Variants in REDIC1 observed in about 807,000 individuals in gnomAD.
The protein encoded by REDIC1 is HEI10 Interacting Protein 1.
chr12:39,650,799 C>T, the REDIC1 span, among the ~76,000 whole-genome samples: 1 of 152,162 alleles, frequency 6.6e-6, no homozygotes, highest in Non-Finnish European at 1.5e-5. This position sits in a 1 kb window ranked among gnomAD's most constrained non-coding sequence, Gnocchi z 4.3. Flanking sequence ...TGGTCTCAAT[C>T]TTCTGGCCTC....
At chr12:39,744,490 A>G in the REDIC1 span, among the ~76,000 whole-genome samples, 1 of 152,226 alleles carries the variant, frequency 6.6e-6, no homozygotes, top group Non-Finnish European at 1.5e-5. Flanking sequence ...GTATCCAATT[A>G]TTATAGCTTA....
the REDIC1 span, chr12:39,872,014 G>A: frequency 2.4e-5 from 34 of 1,391,746 alleles, no homozygotes; most frequent in Middle Eastern, 1.9e-4. Flanking sequence ...AAAGAAACAG[G>A]GTTATTTTGA....
chr12:39,899,642 A>C, the REDIC1 span, among the ~76,000 whole-genome samples: 5 of 149,854 alleles, frequency 3.3e-5, no homozygotes, highest in African/African-American at 4.9e-5. Context: ...CCCTCTACAC[A>C]CTGCTTTGAA....
chr12:39,711,449 A>ATT, the REDIC1 span, among the ~76,000 whole-genome samples: 3 of 47,606 alleles, frequency 6.3e-5, no homozygotes, highest in African/African-American at 1.5e-4. Context: ...GTGTGTACAT[A>ATT]TATACACATA....
At chr12:39,653,675 T>A in the REDIC1 span, among the ~76,000 whole-genome samples, 3 of 151,862 alleles carry the variant, frequency 2.0e-5, no homozygotes, top group Non-Finnish European at 2.9e-5. Context: ...CTTTCTTGCT[T>A]AACTTTGCTA....
chr12:39,884,137 T>C, the REDIC1 span, among the ~76,000 whole-genome samples: 1 of 152,140 alleles, frequency 6.6e-6, no homozygotes, highest in African/African-American at 2.4e-5. Flanking sequence ...GTATTTTTAG[T>C]GTATGTATGT....
the REDIC1 span, among the ~76,000 whole-genome samples, chr12:39,714,413 T>G: frequency 6.8e-6 from 1 of 148,008 alleles, no homozygotes; most frequent in African/African-American, 2.5e-5. Context: ...ATATGTGTGT[T>G]TAGATATATA....
chr12:39,888,167 C>T, the REDIC1 span, among the ~76,000 whole-genome samples: 1 of 152,238 alleles, frequency 6.6e-6, no homozygotes, highest in Middle Eastern at 3.4e-3. Flanking sequence ...CTGCTGCCTG[C>T]CCAGTTCATG....
the REDIC1 span, among the ~76,000 whole-genome samples, chr12:39,681,989 G>A: frequency 1.0e-5 from 1 of 98,350 alleles, no homozygotes; most frequent in Non-Finnish European, 2.1e-5. Flanking sequence ...TGCACAAATT[G>A]GACTTAACCT....
the REDIC1 span, among the ~76,000 whole-genome samples, chr12:39,706,534 A>G: frequency 6.6e-6 from 1 of 152,006 alleles, no homozygotes; most frequent in Non-Finnish European, 1.5e-5. Flanking sequence ...CTGAAGGAAT[A>G]GCATTCTCTT....
the REDIC1 span, among the ~76,000 whole-genome samples, chr12:39,735,124 C>T: frequency 1.3e-5 from 2 of 152,094 alleles, no homozygotes; most frequent in African/African-American, 2.4e-5. Context: ...CATTTTGGTA[C>T]CTGGGAGTGA....
At chr12:39,867,954 A>C in the REDIC1 span, among the ~76,000 whole-genome samples, 1 of 152,202 alleles carries the variant, frequency 6.6e-6, no homozygotes, top group Admixed American at 6.5e-5. Flanking sequence ...AAACGACTTT[A>C]TTTATAAAAT....
At chr12:39,717,250 G>A in the REDIC1 span, among the ~76,000 whole-genome samples, 1 of 151,508 alleles carries the variant, frequency 6.6e-6, no homozygotes, top group Non-Finnish European at 1.5e-5. Flanking sequence ...TGAATAAAAG[G>A]TTTGACTCCG....
chr12:39,903,480 T>C, the REDIC1 span, among the ~76,000 whole-genome samples: 2 of 152,046 alleles, frequency 1.3e-5, no homozygotes, highest in African/African-American at 4.8e-5. Flanking sequence ...TTCTGAAAAA[T>C]GCCATTCTAG....
the REDIC1 span, among the ~76,000 whole-genome samples, chr12:39,692,815 A>G: frequency 6.6e-6 from 1 of 152,062 alleles, no homozygotes; most frequent in African/African-American, 2.4e-5. Flanking sequence ...CTAGGAGTAG[A>G]ATTGCTAGTT....
chr12:39,657,240 A>C, the REDIC1 span, among the ~76,000 whole-genome samples: 1 of 152,176 alleles, frequency 6.6e-6, no homozygotes, highest in Non-Finnish European at 1.5e-5. Flanking sequence ...ATTGTGTTAC[A>C]CTTGCCTACA....
At chr12:39,845,416 CATATT>C in the REDIC1 span, among the ~76,000 whole-genome samples, 2 of 152,074 alleles carry the variant, frequency 1.3e-5, no homozygotes, top group African/African-American at 2.4e-5. Flanking sequence ...TTAGGCTTAT[CATATT>C]ATAAGTGTTT....
chr12:39,848,088 T>G, the REDIC1 span, among the ~76,000 whole-genome samples: 1 of 152,032 alleles, frequency 6.6e-6, no homozygotes, highest in Admixed American at 6.6e-5. Context: ...GAAGACAACC[T>G]AGGCAATACC....
At chr12:39,756,916 A>C in the REDIC1 span, 8 of 151,584 alleles carry the variant, frequency 5.3e-5, no homozygotes, top group Non-Finnish European at 1.0e-4. Flanking sequence ...TCAGGGAACT[A>C]CTGTGTATGG....
Sources: allele counts gnomAD v4.1 joint callset (sites outside exome capture counted in the v4.1 genomes callset), GRCh38; gene constraint gnomAD v4.1.1; non-coding constraint Gnocchi (gnomAD v3.1); transcripts MANE v1.5; gene names NCBI Gene and HGNC (gene_info 2026-07-23, HGNC 2026-07-21).